Variants in MTA3 observed in about 807,000 individuals in gnomAD.
MTA3 encodes metastasis-associated protein MTA3.
In MTA3, 34 loss-of-function variants were observed where a neutral mutation model predicts 83.5. The ratio of observed to expected loss-of-function variants is 0.41; its 90% CI spans 0.31 to 0.54. The LOEUF is 0.54. Among genes scored for constraint, MTA3 ranks in the 20% least tolerant of loss-of-function variants. The pLI is 0.33. For missense variants in MTA3, 761 were observed against 726.4 expected (o/e 1.05, Z -0.55); for synonymous variants, 303 against 252.7 (o/e 1.20, Z -1.89).
intron 2 of MTA3, among the ~76,000 whole-genome samples, chr2:42,572,560 G>C (rs556028637): frequency 1.2e-3 from 183 of 152,100 alleles, no homozygotes; most frequent in Non-Finnish European, 2.3e-3. Context: ...GGGTAACACA[G>C]ACTGTCTCGA....
intron 2 of MTA3, among the ~76,000 whole-genome samples, chr2:42,507,943 C>T (rs78959283): frequency 8.8e-6 from 1 of 113,540 alleles, no homozygotes; most frequent in Non-Finnish European, 1.9e-5. Context: ...GAGTCTGTCT[C>T]AAAAAAAAAA....
At chr2:42,566,476 T>C (rs1163449174), upstream of MTA3, among the ~76,000 whole-genome samples, 1 of 152,140 alleles carries the variant, frequency 6.6e-6, no homozygotes, top group African/African-American at 2.4e-5. Flanking sequence ...AAGAGACTAA[T>C]ATATAGAATC....
chr2:42,710,950 A>G (rs1558609009), intron 14 of MTA3, among the ~76,000 whole-genome samples: 1 of 151,830 alleles, frequency 6.6e-6, no homozygotes, highest in Non-Finnish European at 1.5e-5. Flanking sequence ...ATGGTGGCAC[A>G]CGCCTGTAAT....
chr2:42,699,513 G>A (rs1693674763), intron 11 of MTA3, among the ~76,000 whole-genome samples: 1 of 152,160 alleles, frequency 6.6e-6, no homozygotes, highest in African/African-American at 2.4e-5. Context: ...TTGAGAAAGA[G>A]GACTAAGAGT....
At chr2:42,596,215 G>A (rs1367822669) in intron 3 of MTA3, among the ~76,000 whole-genome samples, 1 of 152,180 alleles carries the variant, frequency 6.6e-6, no homozygotes, top group Non-Finnish European at 1.5e-5. Flanking sequence ...TCTATGAAGT[G>A]TGTAGGCACA....
At chr2:42,697,328 A>G (rs893898566) in intron 10 of MTA3, among the ~76,000 whole-genome samples, 3 of 151,940 alleles carry the variant, frequency 2.0e-5, no homozygotes, top group Admixed American at 2.0e-4. Context: ...AGCCACAGTC[A>G]CTCCTCTTGC....
chr2:42,522,953 G>A (rs1041692911), intron 2 of MTA3, among the ~76,000 whole-genome samples: 10 of 151,828 alleles, frequency 6.6e-5, no homozygotes, highest in African/African-American at 2.4e-5. Context: ...GGGACCACAG[G>A]CACTCGTCAC....
intron 16 of MTA3, among the ~76,000 whole-genome samples, chr2:42,750,177 G>A (rs1382191204): frequency 6.6e-6 from 1 of 152,006 alleles, no homozygotes; most frequent in Non-Finnish European, 1.5e-5. Flanking sequence ...TTTTAGTAGA[G>A]ACGGGGTTTC....
At chr2:42,688,211 A>T (rs1321043522) in intron 9 of MTA3, among the ~76,000 whole-genome samples, 1 of 152,158 alleles carries the variant, frequency 6.6e-6, no homozygotes. Flanking sequence ...AACTGGGACT[A>T]CAGGCATGTT....
intron 4 of MTA3, among the ~76,000 whole-genome samples, chr2:42,631,682 GTATTATTATTT>G (rs1206603791): frequency 1.3e-5 from 2 of 152,066 alleles, no homozygotes; most frequent in African/African-American, 2.4e-5. Context: ...TAGTTATTTT[GTATTATTATTT>G]TATTATTATT....
At chr2:42,751,678 A>G (rs2104608173) in intron 16 of MTA3, among the ~76,000 whole-genome samples, 1 of 152,356 alleles carries the variant, frequency 6.6e-6, no homozygotes, top group East Asian at 1.9e-4. Flanking sequence ...GTTGTTTCTG[A>G]AACCGCAGCA....
chr2:42,725,660 C>T (rs1044224261), intron 16 of MTA3, among the ~76,000 whole-genome samples: 2 of 152,194 alleles, frequency 1.3e-5, no homozygotes, highest in Admixed American at 6.5e-5. Flanking sequence ...GGGCACTGCC[C>T]TGCCGGTGCA....
chr2:42,709,660 G>A (rs892453848), intron 14 of MTA3: 6 of 152,088 alleles, frequency 3.9e-5, no homozygotes, highest in African/African-American at 1.4e-4. Context: ...TTTATTAGAA[G>A]GTCTAGCAAA....
intron 4 of MTA3, among the ~76,000 whole-genome samples, chr2:42,619,091 C>T (rs1685242828): frequency 6.6e-6 from 1 of 152,142 alleles, no homozygotes; most frequent in Non-Finnish European, 1.5e-5. Context: ...TTTTTAAATA[C>T]GTGAGAAATA....
intron 4 of MTA3, among the ~76,000 whole-genome samples, chr2:42,626,047 A>G (rs912582808): frequency 1.4e-5 from 2 of 142,966 alleles, no homozygotes; most frequent in African/African-American, 5.3e-5. Flanking sequence ...GCTTCATGCC[A>G]TTCTCCTGCC....
At chr2:42,692,501 T>G (rs1418807700) in intron 9 of MTA3, among the ~76,000 whole-genome samples, 1 of 151,524 alleles carries the variant, frequency 6.6e-6, no homozygotes, top group Non-Finnish European at 1.5e-5. Flanking sequence ...CTCGGCTCAC[T>G]GTAACCTCCA....
intron 2 of MTA3, among the ~76,000 whole-genome samples, chr2:42,538,219 C>A (rs1048510827): frequency 4.0e-5 from 6 of 151,402 alleles, no homozygotes; most frequent in African/African-American, 1.5e-4. Context: ...GGCGACACAG[C>A]GAGACTCTGT....
chr2:42,660,386 C>T (rs995110994), intron 8 of MTA3, among the ~76,000 whole-genome samples: 3 of 152,156 alleles, frequency 2.0e-5, no homozygotes, highest in Admixed American at 2.0e-4. Flanking sequence ...CACACCCGGC[C>T]AGAGGGGCTA....
At chr2:42,577,713 T>G (rs1430050907) in intron 2 of MTA3, among the ~76,000 whole-genome samples, 1 of 152,124 alleles carries the variant, frequency 6.6e-6, no homozygotes, top group South Asian at 2.1e-4. Context: ...ACTCCTGACC[T>G]CGTGATCTGC....
Sources: gnomAD v4.1 joint callset for allele counts (sites outside exome capture counted in the v4.1 genomes callset) on GRCh38, gnomAD v4.1.1 for gene constraint, MANE v1.5 for transcripts, NCBI Gene and HGNC (gene_info 2026-07-23, HGNC 2026-07-21) for gene names.